RBFOX1: variants seen among roughly 807,000 people sequenced by gnomAD.
RBFOX1 encodes RNA binding protein fox-1 homolog 1.
A neutral mutation model predicts 57.7 loss-of-function variants in RBFOX1; 8 were observed. The observed-to-expected ratio is 0.14, with a 90% CI of 0.08 to 0.25. RBFOX1 has a LOEUF of 0.25. Among genes scored for constraint, RBFOX1 ranks in the 10% least tolerant of loss-of-function variants. The pLI, the probability that RBFOX1 is intolerant of heterozygous loss-of-function variation, is 1.00. For synonymous variants in RBFOX1, 326 were observed against 222.4 expected, an observed-to-expected ratio of 1.47 and a Z score of -4.15; for missense variants, 611 against 548.5, an observed-to-expected ratio of 1.11 and a Z score of -1.14.
intron 3 of RBFOX1, among the ~76,000 whole-genome samples, chr16:5,740,323 G>A (rs555387323): frequency 4.6e-5 from 7 of 152,266 alleles, no homozygotes; most frequent in Admixed American, 2.0e-4. Flanking sequence ...CTCCAAGGGG[G>A]CTCCACCAAA....
intron 2 of RBFOX1, among the ~76,000 whole-genome samples, chr16:6,335,673 G>A (rs371149774): frequency 8.2e-4 from 123 of 150,756 alleles, no homozygotes; most frequent in African/African-American, 2.9e-3. Flanking sequence ...AGCTACTTGG[G>A]AGGCTGAAGC....
intron 1 of RBFOX1, among the ~76,000 whole-genome samples, chr16:5,291,694 C>G (rs34799031): frequency 0.057 from 8,744 of 152,146 alleles, 456 homozygotes; most frequent in East Asian, 0.25. Context: ...CAGGGGAAAA[C>G]ACAGGCCAGT....
chr16:6,743,367 G>T (rs760625522), intron 3 of RBFOX1, among the ~76,000 whole-genome samples: 8 of 152,124 alleles, frequency 5.3e-5, no homozygotes, highest in Non-Finnish European at 1.0e-4. Context: ...TCAGTTCAAA[G>T]GCAGAGATTG....
intron 4 of RBFOX1, among the ~76,000 whole-genome samples, chr16:7,346,912 G>A (rs1354230115): frequency 2.0e-5 from 3 of 152,150 alleles, no homozygotes; most frequent in African/African-American, 4.8e-5. Flanking sequence ...AAAAAAACGA[G>A]AGGGGCAGCA....
chr16:6,156,851 A>G (rs923661955), intron 1 of RBFOX1, among the ~76,000 whole-genome samples: 10 of 152,110 alleles, frequency 6.6e-5, no homozygotes, highest in Non-Finnish European at 1.3e-4. Context: ...ATTTCTTATT[A>G]TTTTAAGAGA....
At chr16:6,321,394 A>G (rs186097092) in intron 2 of RBFOX1, among the ~76,000 whole-genome samples, 135 of 152,278 alleles carry the variant, frequency 8.9e-4, no homozygotes, top group African/African-American at 3.0e-3. Flanking sequence ...TTATAGATCA[A>G]TTAGGACTCT....
chr16:5,625,473 C>A (rs919539328), intron 3 of RBFOX1, among the ~76,000 whole-genome samples: 1 of 152,008 alleles, frequency 6.6e-6, no homozygotes, highest in African/African-American at 2.4e-5. Context: ...GACCGCTGCA[C>A]CGTTCTTCAT....
chr16:6,864,850 A>T (rs574219828), intron 3 of RBFOX1, among the ~76,000 whole-genome samples: 74 of 151,914 alleles, frequency 4.9e-4, no homozygotes, highest in Non-Finnish European at 8.2e-4. Flanking sequence ...CCCTTTTTTT[A>T]TCTGAGGTCA....
chr16:6,978,757 T>C (rs1393531254), intron 3 of RBFOX1, among the ~76,000 whole-genome samples: 1 of 152,206 alleles, frequency 6.6e-6, no homozygotes, highest in South Asian at 2.1e-4. Flanking sequence ...AACCCCAGAT[T>C]TGAACCCCAG....
chr16:5,242,514 C>T (rs530674853), intron 1 of RBFOX1, among the ~76,000 whole-genome samples: 44 of 152,254 alleles, frequency 2.9e-4, no homozygotes, highest in Admixed American at 3.3e-4. Flanking sequence ...CTTTGAAGAA[C>T]CCATGAAGCA....
At chr16:7,504,726 TATATATATATATATA>T (rs2072272756) in intron 4 of RBFOX1, among the ~76,000 whole-genome samples, 3 of 46,198 alleles carry the variant, frequency 6.5e-5, no homozygotes, top group Non-Finnish European at 9.8e-5. Context: ...TATATATATA[TATATATATATATATA>T]TATATATATA....
intron 3 of RBFOX1, among the ~76,000 whole-genome samples, chr16:5,727,261 G>C (rs1191077812): frequency 6.6e-6 from 1 of 151,308 alleles, no homozygotes; most frequent in Non-Finnish European, 1.5e-5. Context: ...AACAGAGTAA[G>C]ACTTTGTCTC....
At chr16:7,354,500 C>A (rs950260306) in intron 4 of RBFOX1, among the ~76,000 whole-genome samples, 3 of 152,102 alleles carry the variant, frequency 2.0e-5, no homozygotes, top group African/African-American at 7.2e-5. Context: ...CTTCAAGCAG[C>A]CAGAAAAACT....
intron 3 of RBFOX1, among the ~76,000 whole-genome samples, chr16:6,668,345 G>T (rs1022543852): frequency 6.6e-6 from 1 of 152,188 alleles, no homozygotes; most frequent in Non-Finnish European, 1.5e-5. Context: ...CAGGGCACCT[G>T]CCAGGTATAG....
intron 4 of RBFOX1, among the ~76,000 whole-genome samples, chr16:5,930,172 C>G (rs56280421): frequency 0.092 from 13,831 of 150,076 alleles, 646 homozygotes; most frequent in African/African-American, 0.11. Context: ...GTGACAGAAA[C>G]TCAACACCAA....
intron 11 of RBFOX1, among the ~76,000 whole-genome samples, chr16:7,648,086 G>C (rs1033438370): frequency 7.2e-5 from 11 of 152,156 alleles, no homozygotes; most frequent in African/African-American, 2.7e-4. Flanking sequence ...ACTGTGCTGG[G>C]TTTTTTAAAG....
chr16:7,410,544 G>T (rs936067816), intron 4 of RBFOX1, among the ~76,000 whole-genome samples: 2 of 152,158 alleles, frequency 1.3e-5, no homozygotes, highest in East Asian at 1.9e-4. Flanking sequence ...AGCTGGGAGT[G>T]GTGGTGCGTG....
At chr16:5,850,732 CAG>C (rs2056874325) in intron 3 of RBFOX1, among the ~76,000 whole-genome samples, 1 of 152,172 alleles carries the variant, frequency 6.6e-6, no homozygotes, top group Non-Finnish European at 1.5e-5. Flanking sequence ...GAGTCAGTGA[CAG>C]AGGTGAAAGA....
intron 4 of RBFOX1, among the ~76,000 whole-genome samples, chr16:7,203,969 C>T (rs2089334616): frequency 6.6e-6 from 1 of 152,208 alleles, no homozygotes; most frequent in South Asian, 2.1e-4. Flanking sequence ...ACAAGCTGTG[C>T]TGTGTTCTCA....
Sources: gnomAD v4.1 joint callset for allele counts (sites outside exome capture counted in the v4.1 genomes callset) on GRCh38, gnomAD v4.1.1 for gene constraint, MANE v1.5 for transcripts, NCBI Gene and HGNC (gene_info 2026-07-23, HGNC 2026-07-21) for gene names.